The following HEATR5B variants were observed in gnomAD, a reference collection of about 807,000 sequenced individuals.
HEATR5B encodes HEAT repeat containing 5B, also known as HEAT repeat-containing protein 5B.
A neutral mutation model predicts 224.1 loss-of-function variants in HEATR5B; 156 were observed. The observed-to-expected ratio is 0.70, with a 90% CI of 0.61 to 0.80. The LOEUF is 0.80. HEATR5B is among the 30% of genes least tolerant of loss of function. HEATR5B has a pLI of 0.00. For missense variants in HEATR5B, 2,323 were observed against 2,535.5 expected, an observed-to-expected ratio of 0.92 and a Z score of 1.80; for synonymous variants, 1,027 against 893.0, an observed-to-expected ratio of 1.15 and a Z score of -2.68.
chr2:37,082,086 T>TCTC (rs1553329859), intron 2 of HEATR5B, among the ~76,000 whole-genome samples: 2 of 55,978 alleles, frequency 3.6e-5, no homozygotes, highest in African/African-American at 1.1e-4. Flanking sequence ...TTTTTTTTTT[T>TCTC]CAGATGGAGT....
chr2:37,022,711 G>GATATA, intron 24 of HEATR5B, among the ~76,000 whole-genome samples: 1 of 152,284 alleles, frequency 6.6e-6, no homozygotes, highest in East Asian at 1.9e-4. Context: ...ATAAGATATG[G>GATATA]AAAAGGGAAA....
chr2:37,020,705 G>A lies in HEATR5B; in HGVS notation c.3985C>T (p.Pro1329Ser). The A allele has an allele frequency of 6.2e-7, 1 of 1,603,840 alleles. No homozygotes were observed. Among genetic ancestry groups the A allele is most frequent in the Non-Finnish European group, 8.5e-7 (1 of 1,177,710 alleles). ...ACATGACCTGGAAATTCTGGCTCAG[G>A]CACAGACGCAAACTTCTTGATAATG... is the stretch of plus-strand genomic sequence containing the variant. Reference protein sequence around the residue: ...EDIIKKFASVPEPEFPGHVIL... With the variant: ...EDIIKKFASVSEPEFPGHVIL... Residue 1329 changes from proline (P) to serine (S), a missense_variant, in exon 25 of 36, where the codon CCT becomes TCT. Pro to Ser is a moderately conservative substitution (Grantham distance 74). Around this residue, in one of 12 missense-constraint regions of HEATR5B, gnomAD observed 339 missense variants for 378.4 expected, o/e 0.90. Coordinates refer to ENST00000233099, the MANE Select transcript of HEATR5B (RefSeq NM_019024.3).
intron 9 of HEATR5B, among the ~76,000 whole-genome samples, chr2:37,065,401 C>A (rs967891214): frequency 6.6e-6 from 1 of 151,878 alleles, no homozygotes; most frequent in Non-Finnish European, 1.5e-5. Flanking sequence ...GCAACCTATG[C>A]CTCCTGGGCT....
rs373532513 is a variant in HEATR5B at position 37,075,615 on chromosome 2, A to G, written c.467T>C (p.Ile156Thr). 9 of 1,612,828 alleles carry G rather than the reference A, an allele frequency of 5.6e-6. No individual in the cohort carries two copies. The African/African-American group carries it at 1.1e-4, about 19-fold the overall frequency. ...TAGAACTTTCTGTAGACTCATTAAGATTTCACTTCGCCCTTGAGACTAGAC... is the reference window on the plus strand; with the variant it reads ...TAGAACTTTCTGTAGACTCATTAAGGTTTCACTTCGCCCTTGAGACTAGAC... ...KSAESQGRSEILMSLQKVLSG... is the reference protein window; with the variant it reads ...KSAESQGRSETLMSLQKVLSG... The change falls in exon 5 of 36, where the codon ATC (isoleucine) becomes ACC (threonine). Residue 156 changes from isoleucine to threonine, a missense_variant. Transcript: ENST00000233099.
chr2:36,981,617 T>A lies in HEATR5B; in HGVS notation c.6089A>T (p.Glu2030Val). The stretch of plus-strand genomic sequence containing the variant: ...GGCAGTTTCTAGACGCACTTTCAAC[T>A]CAGGAGCAGCCCCCATTACTGTCTT... Reference protein sequence around the residue: ...AFKTVMGAAPELKVRLETAVR... With the variant: ...AFKTVMGAAPVLKVRLETAVR... Residue 2030 changes from glutamate (E) to valine (V), a missense_variant, in exon 36 of 36, where the codon GAG (glutamate) becomes GTG (valine). By Grantham distance (121) the Glu-to-Val change is moderately radical (BLOSUM62 -2). This residue lies in a region of HEATR5B where 844 missense variants were observed against 812.9 expected (regional missense o/e 1.04). Coordinates refer to ENST00000233099, the MANE Select transcript of HEATR5B (RefSeq NM_019024.3). The A allele has an allele frequency of 6.2e-7, 1 of 1,614,204 alleles. No homozygotes were observed. The highest frequency in any genetic ancestry group is 8.5e-7 in the Non-Finnish European group (1 of 1,180,032).
Position 37,036,652 on chromosome 2 carries a change from T to C in HEATR5B, c.3216+1203A>G, listed in dbSNP as rs540114041. ...TCAGCCTCCCGAGTAGCTGAGATTATAGGCACCCGCCACCACCCCTGACTA... is the reference window on the plus strand; with the variant it reads ...TCAGCCTCCCGAGTAGCTGAGATTACAGGCACCCGCCACCACCCCTGACTA... On this transcript the variant is annotated intron_variant, in intron 21 of 35. Coordinates refer to ENST00000233099, the MANE Select transcript of HEATR5B (RefSeq NM_019024.3). 4.0e-5 allele frequency among the ~76,000 whole-genome samples: 6 copies of C among 151,894 alleles called. No homozygotes were observed. The South Asian group carries it at 6.3e-4, about 16-fold the overall frequency.
rs745665833 is a variant in HEATR5B at position 37,064,900 on chromosome 2, G to C, written c.1424C>G (p.Ala475Gly). 5.6e-6 allele frequency: 9 copies of C among 1,614,130 alleles called. No individual in the cohort carries two copies. The highest frequency in any genetic ancestry group is 6.8e-6 in the Non-Finnish European group (8 of 1,180,008). ...AAWCLRCVAV[A>G]LPFQLTPFLD... ...AAATGGTGTCAGCTGGAAAGGTAAT[G>C]CCACAGCCACACAGCGCAAACACCA... The change falls in exon 10 of 36, where the codon GCA (alanine) becomes GGA (glycine). Residue 475 changes from alanine to glycine, a missense_variant. Physicochemically the swap from Ala to Gly is moderately conservative, Grantham distance 60. Transcript: ENST00000233099.
Position 37,041,172 on chromosome 2 carries a change from T to C in HEATR5B, c.2817A>G (p.Leu939=). The C allele has an allele frequency of 6.2e-7, 1 of 1,614,086 alleles. No individual in the cohort carries two copies. Among genetic ancestry groups the C allele is most frequent in the Non-Finnish European group, 8.5e-7 (1 of 1,179,990 alleles). ...ATGTCCCATCTTGTGCTAGAGCCAA[T>C]AAAATGCTGACACTGGTCTTCAGAT... The part of the protein sequence containing the change: ...GQHLKTSVSI[L]LALAQDGTSP... Residue 939 remains leucine (L), a synonymous_variant, in exon 19 of 36, where the codon TTA becomes TTG. Transcript: ENST00000233099.
intron 33 of HEATR5B, among the ~76,000 whole-genome samples, chr2:36,996,374 T>C (rs972114489): frequency 6.6e-6 from 1 of 151,874 alleles, no homozygotes; most frequent in Non-Finnish European, 1.5e-5. Context: ...TTTTCTTTTA[T>C]ATGCTTGGTG....
chr2:37,006,527 G>C (rs1436994886), intron 29 of HEATR5B, among the ~76,000 whole-genome samples: 1 of 152,188 alleles, frequency 6.6e-6, no homozygotes, highest in African/African-American at 2.4e-5. Flanking sequence ...CATAATCCCA[G>C]CTACTTGGGA....
At position 37,072,821 on chromosome 2, in the gene HEATR5B, AACATGTTTTAAAAAGTT is replaced by A. The variant is rs750262818; in HGVS notation, c.598-557_598-541del. On this transcript the variant is annotated intron_variant, in intron 5 of 35. Transcript: ENST00000233099. ...AGAGAGGTCAAATCACTACAGATTC[AACATGTTTTAAAAAGTT>A]AAAGAGAATATGTGAACAACTTTAT... Among the ~76,000 whole-genome samples the A allele has an allele frequency of 2.9e-3, 438 of 152,328 alleles. 3 individuals are homozygous for A. The highest frequency in any genetic ancestry group is 3.4e-3 in the Non-Finnish European group (228 of 68,020).
intron 24 of HEATR5B, 86 bp from the exon 25 acceptor site, chr2:37,020,922 G>A: frequency 3.9e-6 from 3 of 769,390 alleles, no homozygotes; most frequent in Non-Finnish European, 4.0e-6. Context: ...ATAAATTTTT[G>A]ATAAAAAACA....
chr2:37,082,111 C>A, intron 2 of HEATR5B, among the ~76,000 whole-genome samples: 1 of 112,022 alleles, frequency 8.9e-6, no homozygotes, highest in East Asian at 3.2e-4. Context: ...CTCTTGTCCC[C>A]CGGGCTGGAG....
intron 35 of HEATR5B, among the ~76,000 whole-genome samples, chr2:36,986,894 G>A (rs1665984286): frequency 1.3e-5 from 2 of 152,076 alleles, no homozygotes; most frequent in South Asian, 4.1e-4. Context: ...TGGGATTACA[G>A]GCATGAGCCA....
rs1671500202 is a variant in HEATR5B, at chr2:37,064,926, T to A, written c.1398A>T (p.Ala466=). The A allele has an allele frequency of 6.2e-7, 1 of 1,614,130 alleles. No homozygotes were observed. Among genetic ancestry groups the A allele is most frequent in the Non-Finnish European group, 8.5e-7 (1 of 1,180,004 alleles). ...HPSMAARLAA[A]WCLRCVAVAL... ...CCACAGCCACACAGCGCAAACACCA[T>A]GCAGCAGCAAGTCGGGCAGCCATGC... The change falls in exon 10 of 36, where the codon GCA becomes GCT. Residue 466 remains alanine (A), a synonymous_variant. Coordinates refer to ENST00000233099, the MANE Select transcript of HEATR5B (RefSeq NM_019024.3).
At chr2:37,015,497 T>A (rs1443054828) in intron 26 of HEATR5B, among the ~76,000 whole-genome samples, 1 of 152,084 alleles carries the variant, frequency 6.6e-6, no homozygotes, top group Admixed American at 6.5e-5. Flanking sequence ...TAGTTAGAAA[T>A]CCCAGGATAT....
At chr2:37,062,302 C>T (rs566356544) in intron 10 of HEATR5B, among the ~76,000 whole-genome samples, 24 of 151,922 alleles carry the variant, frequency 1.6e-4, no homozygotes, top group Non-Finnish European at 2.9e-4. Context: ...TGGTGGTGGG[C>T]ACCTGTAGTC....
rs1392777877 is a variant in HEATR5B, at chr2:37,049,715, T to C, written c.2634A>G (p.Arg878=). ...LRCAAGEALG[R]MAQVVGEATF... ...TTGCTTCTCCAACCACCTGAGCCATTCTTCCAAGAGCTTCCCCCGCTGCAC... is the reference window on the plus strand; with the variant it reads ...TTGCTTCTCCAACCACCTGAGCCATCCTTCCAAGAGCTTCCCCCGCTGCAC... The change falls in exon 18 of 36, where the codon AGA becomes AGG. Residue 878 remains arginine, a synonymous_variant. Transcript: ENST00000233099. The C allele has an allele frequency of 6.2e-7, 1 of 1,613,964 alleles. No individual in the cohort carries two copies. The highest frequency in any genetic ancestry group is 2.2e-5 in the East Asian group (1 of 44,878).
At chr2:37,078,822 C>A (rs1672382334) in intron 3 of HEATR5B, among the ~76,000 whole-genome samples, 1 of 152,188 alleles carries the variant, frequency 6.6e-6, no homozygotes, top group African/African-American at 2.4e-5. Context: ...TTACTCATAT[C>A]AAAGGATTCA....
Sources: allele counts gnomAD v4.1 joint callset (sites outside exome capture counted in the v4.1 genomes callset), GRCh38; gene constraint gnomAD v4.1.1; regional missense constraint gnomAD v4.1.1; transcripts MANE v1.5; gene names NCBI Gene and HGNC (gene_info 2026-07-23, HGNC 2026-07-21).